Variants in LRRC8D observed in about 807,000 individuals in gnomAD.
The protein encoded by LRRC8D is leucine rich repeat containing 8 VRAC subunit D, also known as volume-regulated anion channel subunit LRRC8D.
Under a neutral mutation model 55.8 loss-of-function variants are expected in LRRC8D, and 20 were observed. The ratio of observed to expected loss-of-function variants is 0.36; its 90% CI spans 0.25 to 0.52. The LOEUF is 0.52. Ranked by LOEUF, LRRC8D falls within the 20% of genes least tolerant of loss-of-function variation. LRRC8D has a pLI of 0.93. For synonymous variants in LRRC8D, 352 were observed against 377.0 expected, an observed-to-expected ratio of 0.93 and a Z score of 0.77; for missense variants, 651 against 1,030.8, an observed-to-expected ratio of 0.63 and a Z score of 5.05.
At chr1:89,917,175 A>G (rs995557586) in intron 2 of LRRC8D, among the ~76,000 whole-genome samples, 7 of 152,204 alleles carry the variant, frequency 4.6e-5, no homozygotes, top group African/African-American at 1.7e-4. Flanking sequence ...AGATATCTTT[A>G]TACAGGTGCA....
chr1:89,831,210 A>G (rs1660878095), intron 1 of LRRC8D, among the ~76,000 whole-genome samples: 1 of 152,322 alleles, frequency 6.6e-6, no homozygotes, highest in Admixed American at 6.5e-5. Context: ...CTGGCCCACA[A>G]TACACTTTTA....
intron 2 of LRRC8D, among the ~76,000 whole-genome samples, chr1:89,887,910 T>C (rs796350072): frequency 3.3e-5 from 5 of 152,338 alleles, no homozygotes; most frequent in African/African-American, 1.2e-4. Context: ...GGGAGGTTTC[T>C]TAGAAGAGGG....
intron 2 of LRRC8D, among the ~76,000 whole-genome samples, chr1:89,892,566 T>C (rs1045113326): frequency 6.6e-6 from 1 of 152,178 alleles, no homozygotes; most frequent in African/African-American, 2.4e-5. Context: ...TCGCCCAGGC[T>C]GGAGTGCAGT....
intron 2 of LRRC8D, among the ~76,000 whole-genome samples, chr1:89,913,253 C>G (rs1663177457): frequency 6.6e-6 from 1 of 152,320 alleles, no homozygotes. Context: ...AATGTTATCT[C>G]TAGATGGGCA....
chr1:89,912,952 G>A (rs1663172200), intron 2 of LRRC8D, among the ~76,000 whole-genome samples: 1 of 152,140 alleles, frequency 6.6e-6, no homozygotes, highest in African/African-American at 2.4e-5. Flanking sequence ...CACCCAAATA[G>A]AATGACTTAA....
intron 1 of LRRC8D, among the ~76,000 whole-genome samples, chr1:89,824,300 T>C (rs1007256435): frequency 5.9e-5 from 9 of 152,164 alleles, no homozygotes; most frequent in Admixed American, 5.2e-4. Context: ...TGTAGGAGAC[T>C]TGTGCTCAGG....
At chr1:89,893,410 T>C (rs1662628230) in intron 2 of LRRC8D, among the ~76,000 whole-genome samples, 1 of 152,218 alleles carries the variant, frequency 6.6e-6, no homozygotes, top group African/African-American at 2.4e-5. Context: ...AGCATCTAAC[T>C]TCATGCTTAA....
At chr1:89,915,441 G>T (rs932900780) in intron 2 of LRRC8D, among the ~76,000 whole-genome samples, 2 of 152,162 alleles carry the variant, frequency 1.3e-5, no homozygotes, top group Non-Finnish European at 2.9e-5. Flanking sequence ...GAAAAAAGAT[G>T]GCATTTAATT....
At chr1:89,864,003 A>T (rs559296852) in intron 2 of LRRC8D, among the ~76,000 whole-genome samples, 1 of 152,214 alleles carries the variant, frequency 6.6e-6, no homozygotes, top group African/African-American at 2.4e-5. Context: ...GTTATGGCAT[A>T]AAGTGCAGAG....
At position 89,828,721 on chromosome 1, in the gene LRRC8D, T is replaced by C. The variant is rs149906725; in HGVS notation, c.-148+7430T>C. Reference sequence around the variant, plus strand: ...TCCTTTTGGGGAACGCTCATAAATATGGTGTTAGGTTCCATTACAAGCATT... The same window carrying C: ...TCCTTTTGGGGAACGCTCATAAATACGGTGTTAGGTTCCATTACAAGCATT... On this transcript the variant is annotated intron_variant, in intron 1 of 2. Transcript: ENST00000337338. Among the ~76,000 whole-genome samples, 155 of 152,334 alleles carry C rather than the reference T, an allele frequency of 1.0e-3. 1 individual carries two copies. Among genetic ancestry groups the C allele is most frequent in the African/African-American group, 3.6e-3 (148 of 41,578 alleles).
chr1:89,909,908 C>CCTCA (rs1045766806), intron 2 of LRRC8D, among the ~76,000 whole-genome samples: 2 of 151,996 alleles, frequency 1.3e-5, no homozygotes, highest in African/African-American at 4.8e-5. Flanking sequence ...TACCAAATCC[C>CCTCA]CTCACTGAGT....
At chr1:89,860,330 T>G (rs1413668478) in intron 2 of LRRC8D, among the ~76,000 whole-genome samples, 1 of 152,190 alleles carries the variant, frequency 6.6e-6, no homozygotes, top group African/African-American at 2.4e-5. Flanking sequence ...TTAAGGCAAC[T>G]CCAATTCCTT....
At chr1:89,885,007 C>G (rs1326966418) in intron 2 of LRRC8D, among the ~76,000 whole-genome samples, 1 of 152,176 alleles carries the variant, frequency 6.6e-6, no homozygotes, top group African/African-American at 2.4e-5. Context: ...GCTAGTATCT[C>G]TCATCCTCCC....
At chr1:89,898,631 T>C (rs1662773472) in intron 2 of LRRC8D, among the ~76,000 whole-genome samples, 1 of 152,204 alleles carries the variant, frequency 6.6e-6, no homozygotes, top group Non-Finnish European at 1.5e-5. Flanking sequence ...GTTAATTTCA[T>C]AGACTGATCC....
At chr1:89,907,180 T>G (rs12734701) in intron 2 of LRRC8D, among the ~76,000 whole-genome samples, 1 of 138,206 alleles carries the variant, frequency 7.2e-6, no homozygotes, top group African/African-American at 2.6e-5. Flanking sequence ...TCTTCCACTG[T>G]GTCTTTTTTT....
chr1:89,888,046 A>G (rs373943915), intron 2 of LRRC8D, among the ~76,000 whole-genome samples: 1 of 152,212 alleles, frequency 6.6e-6, no homozygotes, highest in Non-Finnish European at 1.5e-5. Flanking sequence ...TACAGCACAT[A>G]TATTGAACAT....
At chr1:89,893,559 T>G (rs201336515) in intron 2 of LRRC8D, among the ~76,000 whole-genome samples, 2 of 152,232 alleles carry the variant, frequency 1.3e-5, no homozygotes, top group East Asian at 3.8e-4. Flanking sequence ...TTTTCAAGAT[T>G]GATAAGAATG....
intron 2 of LRRC8D, among the ~76,000 whole-genome samples, chr1:89,915,394 A>G (rs1053939177): frequency 2.0e-5 from 3 of 152,242 alleles, no homozygotes; most frequent in Non-Finnish European, 4.4e-5. Flanking sequence ...TTTCTTGGGT[A>G]TAATGATCCG....
At position 89,933,835 on chromosome 1, in the gene LRRC8D, A is replaced by C. The variant is rs1663772262; in HGVS notation, c.767A>C (p.Lys256Thr). Reference protein sequence around the residue: ...SPSASTPMINKTGFKFSAEKP... With the variant: ...SPSASTPMINTTGFKFSAEKP... Reference sequence around the variant, plus strand: ...AGTGCCAGTACACCAATGATCAATAAAACTGGCTTTAAATTTTCAGCTGAG... The same window carrying C: ...AGTGCCAGTACACCAATGATCAATACAACTGGCTTTAAATTTTCAGCTGAG... Residue 256 changes from lysine (K) to threonine (T), a missense_variant, in exon 3 of 3, where the codon AAA becomes ACA. This residue lies in a region of LRRC8D where 178 missense variants were observed against 374.9 expected (regional missense o/e 0.47). Transcript: ENST00000337338. The surrounding 1 kb of genome is among the most constrained non-coding windows in gnomAD (Gnocchi z 7.0). The C allele has an allele frequency of 6.2e-7, 1 of 1,614,018 alleles. No individual in the cohort carries two copies. The highest frequency in any genetic ancestry group is 1.7e-5 in the Admixed American group (1 of 59,990).
Sources: gnomAD v4.1 joint callset for allele counts (sites outside exome capture counted in the v4.1 genomes callset) on GRCh38, gnomAD v4.1.1 for gene constraint, gnomAD v4.1.1 regional missense constraint, Gnocchi (gnomAD v3.1) non-coding constraint, MANE v1.5 for transcripts, NCBI Gene and HGNC (gene_info 2026-07-23, HGNC 2026-07-21) for gene names.